The following PCDHGB2 variants were observed in gnomAD, a reference collection of about 807,000 sequenced individuals.
PCDHGB2 encodes the protein protocadherin gamma subfamily B, 2.
A neutral mutation model predicts 59.3 loss-of-function variants in PCDHGB2; 55 were observed. The observed-to-expected ratio is 0.93, with a 90% confidence interval of 0.75 to 1.16. PCDHGB2 has a LOEUF of 1.16. Ranked by LOEUF, PCDHGB2 falls within the 50% of genes most tolerant of loss-of-function variation. PCDHGB2 has a pLI of 0.00. For synonymous variants in PCDHGB2, 516 were observed against 512.0 expected, an observed-to-expected ratio of 1.01 and a Z score of -0.11; for missense variants, 1,228 against 1,198.5, an observed-to-expected ratio of 1.02 and a Z score of -0.36.
At chr5:141,433,111 C>T (rs2097569323) in intron 1 of PCDHGB2, 1 of 1,613,966 alleles carries the variant, frequency 6.2e-7, no homozygotes, top group African/African-American at 1.3e-5. Context: ...GCCAGGAGAG[C>T]TTTGAAAAAA....
rs376621545 is a variant in PCDHGB2, at chr5:141,422,143, G to A, written c.2421+59587G>A. The stretch of plus-strand genomic sequence containing the variant: ...ACAAACTGGAGAAGTTCAAGTACGG[G>A]GGTCTCTGGATTTTGAAAAATATAG... On this transcript the variant is annotated intron_variant, in intron 1 of 3. Transcript: ENST00000522605. 36 of 1,583,638 alleles carry A rather than the reference G, an allele frequency of 2.3e-5. No individual in the cohort carries two copies. The African/African-American group carries it at 3.8e-4, about 17-fold the overall frequency.
intron 1 of PCDHGB2, chr5:141,415,228 C>A: frequency 1.2e-6 from 2 of 1,614,168 alleles, no homozygotes; most frequent in South Asian, 2.2e-5. Flanking sequence ...CTTCGAGTCT[C>A]CAGCTAACTC....
intron 1 of PCDHGB2, among the ~76,000 whole-genome samples, chr5:141,368,858 A>G (rs1283174672): frequency 6.6e-6 from 1 of 152,158 alleles, no homozygotes; most frequent in Non-Finnish European, 1.5e-5. Context: ...TTGCTTTGGA[A>G]TGTTTTGGAG....
chr5:141,374,218 A>C, intron 1 of PCDHGB2: 1 of 1,613,952 alleles, frequency 6.2e-7, no homozygotes, highest in Non-Finnish European at 8.5e-7. Flanking sequence ...GCTCCTTCGT[A>C]GGCAACATCG....
At chr5:141,378,061 A>G (rs1285707649) in intron 1 of PCDHGB2, 4 of 152,212 alleles carry the variant, frequency 2.6e-5, no homozygotes, top group African/African-American at 9.7e-5. Flanking sequence ...TCTGACTCAA[A>G]TTCTAAGAAA....
Position 141,490,282 on chromosome 5 carries a change from C to T in PCDHGB2, c.2422-4525C>T, listed in dbSNP as rs763429413. 1.2e-6 allele frequency: 2 copies of T among 1,614,194 alleles called. No individual in the cohort carries two copies. The highest frequency in any genetic ancestry group is 1.7e-6 in the Non-Finnish European group (2 of 1,180,036). ...TGTGGGGGATGTCAATGACAATGCC[C>T]CAGAGGTGCTATTGGCCTCTTTGGC... On this transcript the variant is annotated intron_variant, in intron 1 of 3. Transcript: ENST00000522605. This position sits in a 1 kb window ranked among gnomAD's most constrained non-coding sequence, Gnocchi z 5.4.
rs1409012917 is a variant in PCDHGB2 at position 141,512,928 on chromosome 5, T to A, written c.*1755T>A. On this transcript the variant is annotated 3_prime_UTR_variant, in exon 4 of 4. Transcript: ENST00000522605. ...CAAGTTTTATACTCTAATATTTATA[T>A]GGCTTTTTTTCTTCGACAAAAAAAT... is the stretch of plus-strand genomic sequence containing the variant. 1.3e-5 allele frequency: 2 copies of A among 152,190 alleles called. No individual in the cohort carries two copies. Among genetic ancestry groups the A allele is most frequent in the Non-Finnish European group, 2.9e-5 (2 of 68,044 alleles). The allele number at this position is 152,190 out of a possible 1,614,324, so 9.4% of individuals were successfully genotyped here.
At position 141,486,004 on chromosome 5, in the gene PCDHGB2, C is replaced by T; in HGVS notation, c.2422-8803C>T. The T allele has an allele frequency of 6.2e-7, 1 of 1,614,184 alleles. No homozygotes were observed. The highest frequency in any genetic ancestry group is 8.5e-7 in the Non-Finnish European group (1 of 1,180,008). The stretch of plus-strand genomic sequence containing the variant: ...CGGACCTGGGTCCCAGTGGTAACGT[C>T]ACCTTTTATTTCAGTGGTCATACCC... On this transcript the variant is annotated intron_variant, in intron 1 of 3. Coordinates refer to ENST00000522605, the MANE Select transcript of PCDHGB2 (RefSeq NM_018923.3). This position sits in a 1 kb window ranked among gnomAD's most constrained non-coding sequence, Gnocchi z 5.0.
intron 3 of PCDHGB2, among the ~76,000 whole-genome samples, chr5:141,510,624 A>C (rs2099881973): frequency 6.6e-6 from 1 of 152,164 alleles, no homozygotes; most frequent in African/African-American, 2.4e-5. Flanking sequence ...TAAAACCAGA[A>C]GAGGTGGTTA....
chr5:141,478,164 C>G lies in PCDHGB2; in HGVS notation c.2422-16643C>G, dbSNP rs202185809. On this transcript the variant is annotated intron_variant, in intron 1 of 3. Transcript: ENST00000522605. Reference sequence around the variant, plus strand: ...GCCGAGTTCCCCTCTGGCTCTGCCCCCCGGGAGCAGAAAAAAAATCTCACC... The same window carrying G: ...GCCGAGTTCCCCTCTGGCTCTGCCCGCCGGGAGCAGAAAAAAAATCTCACC... The G allele has an allele frequency of 1.0e-4, 167 of 1,613,890 alleles. No homozygotes were observed. Among genetic ancestry groups the G allele is most frequent in the Non-Finnish European group, 1.3e-4 (157 of 1,180,048 alleles).
intron 1 of PCDHGB2, chr5:141,389,583 C>T: frequency 1.2e-6 from 2 of 1,613,188 alleles, no homozygotes; most frequent in Non-Finnish European, 1.7e-6. Flanking sequence ...CGCGCTGGGT[C>T]CCGACGGCTC....
Position 141,490,446 on chromosome 5 carries a change from C to T in PCDHGB2, c.2422-4361C>T, listed in dbSNP as rs779502898. 2.5e-6 allele frequency: 4 copies of T among 1,614,196 alleles called. No homozygotes were observed. The highest frequency in any genetic ancestry group is 3.4e-6 in the Non-Finnish European group (4 of 1,180,016). ...CATTTCAGATTAAGCCTTCTGAGAA[C>T]CACTACTCGCTGCTAACCAGCCAGC... On this transcript the variant is annotated intron_variant, in intron 1 of 3. Coordinates refer to ENST00000522605, the MANE Select transcript of PCDHGB2 (RefSeq NM_018923.3). The surrounding 1 kb of genome is among the most constrained non-coding windows in gnomAD (Gnocchi z 5.4).
chr5:141,414,686 C>G, intron 1 of PCDHGB2: 4 of 1,614,042 alleles, frequency 2.5e-6, no homozygotes, highest in Non-Finnish European at 3.4e-6. Flanking sequence ...CAGGGGGTAC[C>G]TCTGTCCTCA....
intron 1 of PCDHGB2, chr5:141,410,295 T>G (rs1043971768): frequency 9.3e-6 from 15 of 1,613,864 alleles, no homozygotes; most frequent in Non-Finnish European, 1.3e-5. Context: ...GCCTTGGCCT[T>G]AATCTCAGTG....
chr5:141,402,903 A>C, intron 1 of PCDHGB2: 1 of 1,525,170 alleles, frequency 6.6e-7, no homozygotes, highest in East Asian at 2.3e-5. Context: ...GAACCTGATG[A>C]AGCAGCGCGC....
chr5:141,494,198 C>T (rs1383940298), intron 1 of PCDHGB2, among the ~76,000 whole-genome samples: 8 of 152,158 alleles, frequency 5.3e-5, no homozygotes, highest in African/African-American at 1.7e-4. Context: ...TTGGATGCCC[C>T]GCAAAGGCCC....
rs73265845 is a variant in PCDHGB2, at chr5:141,370,729, A to T, written c.2421+8173A>T. On this transcript the variant is annotated intron_variant, in intron 1 of 3. Coordinates refer to ENST00000522605, the MANE Select transcript of PCDHGB2 (RefSeq NM_018923.3). The stretch of plus-strand genomic sequence containing the variant: ...CTGGAATTTGAAATGGTTGCTGAAA[A>T]GCCTTTAAACTTTTTTCATGTAACT... The T allele has an allele frequency of 1.5e-3, 2,398 of 1,613,868 alleles. 32 individuals are homozygous for T. In the African/African-American group the frequency reaches 0.028, roughly 19 times the overall value.
rs530001704 is a variant in PCDHGB2, at chr5:141,434,708, ATC to A, written c.2422-60095_2422-60094del. 3.9e-3 allele frequency among the ~76,000 whole-genome samples: 589 copies of A among 152,052 alleles called. 6 individuals are homozygous for A. The highest frequency in any genetic ancestry group is 0.011 in the Admixed American group (170 of 15,250). ...TTGCTGTTAATAAATATGTGGGTAA[ATC>A]TCTGTTCAGGGCTCTCAGCTCTGAA... On this transcript the variant is annotated intron_variant, in intron 1 of 3. Coordinates refer to ENST00000522605, the MANE Select transcript of PCDHGB2 (RefSeq NM_018923.3).
intron 1 of PCDHGB2, chr5:141,433,160 A>G: frequency 1.9e-6 from 3 of 1,613,848 alleles, no homozygotes; most frequent in Middle Eastern, 1.7e-4. Context: ...GGTATTTTCT[A>G]AAGACAGTCA....
Sources: gnomAD v4.1 joint callset for allele counts (sites outside exome capture counted in the v4.1 genomes callset) on GRCh38, gnomAD v4.1.1 for gene constraint, Gnocchi (gnomAD v3.1) non-coding constraint, MANE v1.5 for transcripts, NCBI Gene and HGNC (gene_info 2026-07-23, HGNC 2026-07-21) for gene names.